The following SLC24A3 variants were observed in gnomAD, a reference collection of about 807,000 sequenced individuals.
SLC24A3 encodes solute carrier family 24 member 3.
Under a neutral mutation model 75.8 loss-of-function variants are expected in SLC24A3, and 28 were observed. The observed-to-expected ratio is 0.37, with a 90% CI of 0.27 to 0.51. The LOEUF is 0.51. SLC24A3 is among the 20% of genes least tolerant of loss of function. The pLI is 0.94. For missense variants in SLC24A3, 663 were observed against 847.8 expected (o/e 0.78, Z 2.71); for synonymous variants, 372 against 334.1 (o/e 1.11, Z -1.24).
chr20:19,663,443 ATCCTCCTCCACTTCCTCCT>A (rs2032359781), intron 7 of SLC24A3, among the ~76,000 whole-genome samples: 3 of 13,726 alleles, frequency 2.2e-4, no homozygotes, highest in African/African-American at 1.2e-3. Flanking sequence ...CCGCCTTCTC[ATCCTCCTCCACTTCCTCCT>A]CCTCCTCCTC....
At chr20:19,695,216 G>A (rs1286349668) in intron 13 of SLC24A3, among the ~76,000 whole-genome samples, 1 of 152,210 alleles carries the variant, frequency 6.6e-6, no homozygotes, top group South Asian at 2.1e-4. Flanking sequence ...GGCCTTTGGA[G>A]TGAAGTCAGG....
intron 2 of SLC24A3, among the ~76,000 whole-genome samples, chr20:19,384,846 T>C (rs1227855690): frequency 1.3e-5 from 2 of 152,354 alleles, no homozygotes; most frequent in African/African-American, 4.8e-5. Flanking sequence ...ACACTTGTTT[T>C]CTTTTGTCTT....
chr20:19,214,005 C>T (rs1411861799), intron 1 of SLC24A3, among the ~76,000 whole-genome samples: 2 of 152,134 alleles, frequency 1.3e-5, no homozygotes, highest in East Asian at 3.8e-4. Context: ...TTGAGGTCGA[C>T]GTAGCTCTAA....
intron 15 of SLC24A3, among the ~76,000 whole-genome samples, chr20:19,714,170 A>G (rs551334029): frequency 2.0e-5 from 3 of 152,298 alleles, no homozygotes; most frequent in East Asian, 1.9e-4. Context: ...TGGGAGGCCA[A>G]TGCTGGAGGA....
chr20:19,683,009 TG>T (rs2032632773), intron 10 of SLC24A3, among the ~76,000 whole-genome samples: 1 of 152,190 alleles, frequency 6.6e-6, no homozygotes, highest in Non-Finnish European at 1.5e-5. Flanking sequence ...TATTTTTTCT[TG>T]GTCCCATATG....
chr20:19,472,025 CA>C (rs1987882410), intron 2 of SLC24A3, among the ~76,000 whole-genome samples: 1 of 152,150 alleles, frequency 6.6e-6, no homozygotes. Flanking sequence ...TCAATTTTTG[CA>C]AATATTTAAT....
chr20:19,419,367 C>CTT (rs113298720), intron 2 of SLC24A3, among the ~76,000 whole-genome samples: 13 of 143,100 alleles, frequency 9.1e-5, no homozygotes, highest in Admixed American at 2.1e-4. Flanking sequence ...AAGCTAGCTT[C>CTT]TTTTTTTTTT....
At chr20:19,648,991 G>T (rs1436225648) in intron 6 of SLC24A3, among the ~76,000 whole-genome samples, 1 of 152,208 alleles carries the variant, frequency 6.6e-6, no homozygotes, top group Non-Finnish European at 1.5e-5. Flanking sequence ...TGACCAGTGA[G>T]GTCAAGGACA....
intron 2 of SLC24A3, among the ~76,000 whole-genome samples, chr20:19,310,781 A>G (rs1047996965): frequency 9.9e-5 from 15 of 152,208 alleles, no homozygotes; most frequent in African/African-American, 3.4e-4. Context: ...GATGTTGTGT[A>G]TGGACATGCT....
At chr20:19,670,174 C>A (rs1322762931) in intron 8 of SLC24A3, among the ~76,000 whole-genome samples, 1 of 151,270 alleles carries the variant, frequency 6.6e-6, no homozygotes, top group Non-Finnish European at 1.5e-5. Context: ...ACTGTGGGAC[C>A]ACATGGAGAG....
chr20:19,466,609 G>A (rs906547568), intron 2 of SLC24A3, among the ~76,000 whole-genome samples: 10 of 152,162 alleles, frequency 6.6e-5, no homozygotes, highest in African/African-American at 1.4e-4. Flanking sequence ...GGAAGTGTCC[G>A]ATTTCCATGG....
intron 2 of SLC24A3, among the ~76,000 whole-genome samples, chr20:19,321,860 G>T (rs972570537): frequency 2.1e-4 from 32 of 152,164 alleles, no homozygotes; most frequent in African/African-American, 5.8e-4. Context: ...TCTAGCCAAG[G>T]TTCCCACATT....
chr20:19,301,316 A>T (rs1420672950), intron 2 of SLC24A3, among the ~76,000 whole-genome samples: 1 of 152,238 alleles, frequency 6.6e-6, no homozygotes, highest in East Asian at 1.9e-4. Context: ...TTAGTGGGAC[A>T]GGCTGGAGCA....
chr20:19,304,467 C>T (rs1026031979), intron 2 of SLC24A3, among the ~76,000 whole-genome samples: 1 of 152,198 alleles, frequency 6.6e-6, no homozygotes, highest in African/African-American at 2.4e-5. Flanking sequence ...CGTTCCATCT[C>T]ATTTCCTATT....
intron 2 of SLC24A3, among the ~76,000 whole-genome samples, chr20:19,323,640 C>T (rs370518171): frequency 3.3e-5 from 5 of 152,130 alleles, no homozygotes; most frequent in African/African-American, 1.2e-4. Flanking sequence ...ACCCCACATC[C>T]AGTGGGTTCA....
chr20:19,529,229 G>A (rs80010404), intron 3 of SLC24A3, among the ~76,000 whole-genome samples: 38 of 152,184 alleles, frequency 2.5e-4, no homozygotes, highest in African/African-American at 8.2e-4. Context: ...ATGTGTCTCC[G>A]TGGCAACCCA....
intron 2 of SLC24A3, among the ~76,000 whole-genome samples, chr20:19,410,596 G>A (rs890421059): frequency 6.6e-5 from 10 of 152,084 alleles, no homozygotes; most frequent in Non-Finnish European, 1.2e-4. Context: ...AAAAATAAGC[G>A]TGGTTCTCTC....
chr20:19,580,549 G>A (rs990799255), intron 4 of SLC24A3, among the ~76,000 whole-genome samples: 2 of 151,982 alleles, frequency 1.3e-5, no homozygotes, highest in Non-Finnish European at 2.9e-5. Context: ...GCTCCAAGCG[G>A]AAGCACTGAG....
At chr20:19,541,792 G>T (rs1461927222) in intron 3 of SLC24A3, among the ~76,000 whole-genome samples, 1 of 152,218 alleles carries the variant, frequency 6.6e-6, no homozygotes, top group South Asian at 2.1e-4. Flanking sequence ...CCCTTTCGGG[G>T]TTGGGCGGTG....
Sources: allele counts gnomAD v4.1 joint callset (sites outside exome capture counted in the v4.1 genomes callset), GRCh38; gene constraint gnomAD v4.1.1; transcripts MANE v1.5; gene names NCBI Gene and HGNC (gene_info 2026-07-23, HGNC 2026-07-21).